Variants in MEGF6 observed in about 807,000 individuals in gnomAD.
MEGF6 encodes the protein multiple epidermal growth factor-like domains protein 6.
A neutral mutation model predicts 207.1 loss-of-function variants in MEGF6; 184 were observed. The ratio of observed to expected loss-of-function variants is 0.89; its 90% CI spans 0.79 to 1.00. The LOEUF (loss-of-function observed/expected upper bound fraction) is 1.00, where lower values mean the gene tolerates loss of function less well. Ranked by LOEUF, MEGF6 falls within the 50% of genes least tolerant of loss-of-function variation. MEGF6 has a pLI of 0.00. For missense variants in MEGF6, 2,282 were observed against 2,202.9 expected (o/e 1.04, Z -0.72); for synonymous variants, 1,038 against 910.0 (o/e 1.14, Z -2.53).
intron 4 of MEGF6, among the ~76,000 whole-genome samples, chr1:3,540,449 C>T (rs566484374): frequency 2.0e-4 from 31 of 152,356 alleles, no homozygotes; most frequent in African/African-American, 2.6e-4. Flanking sequence ...GCTTTGCAAC[C>T]GGAAGGCCCA....
intron 5 of MEGF6, among the ~76,000 whole-genome samples, chr1:3,515,779 G>A (rs1219743366): frequency 1.3e-5 from 2 of 152,180 alleles, no homozygotes; most frequent in Admixed American, 6.5e-5. Flanking sequence ...TGGATCCTCC[G>A]GCCCCGGCCT....
At chr1:3,598,979 C>T (rs1324438395) in intron 2 of MEGF6, among the ~76,000 whole-genome samples, 1 of 152,208 alleles carries the variant, frequency 6.6e-6, no homozygotes, top group Non-Finnish European at 1.5e-5. Context: ...ACCCGGGCGC[C>T]CTCTCAGCTG....
At chr1:3,557,742 G>C (rs1236618830) in intron 4 of MEGF6, among the ~76,000 whole-genome samples, 2 of 152,252 alleles carry the variant, frequency 1.3e-5, no homozygotes, top group African/African-American at 4.8e-5. Flanking sequence ...GCAGCAGGGG[G>C]AGTTCAGGGG....
Position 3,490,386 on chromosome 1 carries a change from C to T in MEGF6, c.*142G>A. On this transcript the variant is annotated 3_prime_UTR_variant, in exon 37 of 37. Transcript: ENST00000356575. The stretch of plus-strand genomic sequence containing the variant: ...CCTCCAAGAGCGACAGGTTGCTGGG[C>T]TGTCCACAGCCCTCCACGGCCCTCA... The T allele has an allele frequency of 1.1e-6, 1 of 896,122 alleles. No individual in the cohort carries two copies. Among genetic ancestry groups the T allele is most frequent in the Non-Finnish European group, 1.7e-6 (1 of 588,732 alleles). 55.5% of individuals were successfully genotyped at this position (896,122 alleles called of 1,614,324 possible).
At chr1:3,510,978 A>C in intron 9 of MEGF6, 76 bp from the exon 10 acceptor site, 2 of 1,535,130 alleles carry the variant, frequency 1.3e-6, no homozygotes, top group Non-Finnish European at 1.8e-6. Context: ...ACACAACTGC[A>C]TACGACCACA....
At chr1:3,527,641 GGAGGGACA>G (rs1642011463) in intron 4 of MEGF6, among the ~76,000 whole-genome samples, 1 of 152,354 alleles carries the variant, frequency 6.6e-6, no homozygotes, top group African/African-American at 2.4e-5. Context: ...CAAAGAAGCT[GGAGGGACA>G]GAGGGACCTG....
chr1:3,544,020 C>T (rs545501708), intron 4 of MEGF6, among the ~76,000 whole-genome samples: 10 of 152,310 alleles, frequency 6.6e-5, no homozygotes, highest in South Asian at 2.1e-4. Flanking sequence ...CACCCGGAGC[C>T]GCTCTATCGC....
At chr1:3,538,934 C>A (rs1001824797) in intron 4 of MEGF6, among the ~76,000 whole-genome samples, 8 of 152,288 alleles carry the variant, frequency 5.3e-5, no homozygotes, top group African/African-American at 1.9e-4. Flanking sequence ...GCGGAGAATG[C>A]AGACAGGCAA....
At chr1:3,498,961 G>A in intron 24 of MEGF6, 135 bp from the exon 25 acceptor site, 2 of 1,415,904 alleles carry the variant, frequency 1.4e-6, no homozygotes, top group South Asian at 1.4e-5. Flanking sequence ...TGACCTGCCA[G>A]CCCAGCCTCA....
At chr1:3,524,359 G>T in intron 4 of MEGF6, 113 bp from the exon 5 acceptor site, 1 of 1,399,390 alleles carries the variant, frequency 7.1e-7, no homozygotes, top group Non-Finnish European at 9.8e-7. Flanking sequence ...TGCCTCGAGG[G>T]CACCACCCAT....
chr1:3,621,179 G>C, the MEGF6 span, among the ~76,000 whole-genome samples: 10 of 152,328 alleles, frequency 6.6e-5, no homozygotes, highest in African/African-American at 2.2e-4. Flanking sequence ...TGGAGGAGTA[G>C]AGTCTTCTCT....
intron 3 of MEGF6, among the ~76,000 whole-genome samples, chr1:3,585,459 G>A (rs1401441932): frequency 6.7e-6 from 1 of 149,812 alleles, no homozygotes; most frequent in Non-Finnish European, 1.5e-5. Context: ...CTGTGTGTGG[G>A]TGTGAGTGAC....
chr1:3,579,778 C>G (rs1643746673), intron 4 of MEGF6, 47 bp downstream of exon 4: 1 of 1,358,682 alleles, frequency 7.4e-7, no homozygotes, highest in Non-Finnish European at 9.7e-7. Flanking sequence ...CCCTTGCCCA[C>G]AGGCTGGCCA....
intron 4 of MEGF6, among the ~76,000 whole-genome samples, chr1:3,525,030 A>T (rs1387474112): frequency 6.6e-6 from 1 of 152,168 alleles, no homozygotes; most frequent in Non-Finnish European, 1.5e-5. Context: ...TGGCGACAGA[A>T]GAAACTTCTA....
intron 3 of MEGF6, among the ~76,000 whole-genome samples, chr1:3,583,921 T>G (rs112603076): frequency 1.0e-5 from 1 of 98,436 alleles, no homozygotes; most frequent in East Asian, 2.9e-4. Flanking sequence ...CACCAGACAA[T>G]GCACAGCCAC....
intron 11 of MEGF6, 28 bp downstream of exon 11, chr1:3,509,842 G>A (rs748455371): frequency 3.4e-5 from 52 of 1,529,484 alleles, no homozygotes; most frequent in African/African-American, 1.8e-4. Context: ...GGCAGAGGCC[G>A]GTGCTCCGCG....
chr1:3,490,461 T>C lies in MEGF6; in HGVS notation c.*67A>G. 1.3e-6 allele frequency: 2 copies of C among 1,558,968 alleles called. No homozygotes were observed. The highest frequency in any genetic ancestry group is 1.8e-6 in the Non-Finnish European group (2 of 1,136,124). On this transcript the variant is annotated 3_prime_UTR_variant, in exon 37 of 37. Coordinates refer to ENST00000356575, the MANE Select transcript of MEGF6 (RefSeq NM_001409.4). ...TGGGCCCGTGAAGTGTCCTTCTCAG[T>C]GGTCACCAAAGGCCAGGGTCCCCTC...
At chr1:3,520,737 G>A (rs894242844) in intron 5 of MEGF6, among the ~76,000 whole-genome samples, 16 of 152,190 alleles carry the variant, frequency 1.1e-4, no homozygotes, top group Non-Finnish European at 1.3e-4. Flanking sequence ...TTTTGAGAGG[G>A]GAACCCTTTT....
At chr1:3,605,373 TCA>T (rs754515506) in intron 1 of MEGF6, among the ~76,000 whole-genome samples, 4 of 147,052 alleles carry the variant, frequency 2.7e-5, no homozygotes, top group Admixed American at 1.4e-4. Context: ...ACACACTCAA[TCA>T]CACTCACTAC....
Sources: gnomAD v4.1 joint callset for allele counts (sites outside exome capture counted in the v4.1 genomes callset) on GRCh38, gnomAD v4.1.1 for gene constraint, MANE v1.5 for transcripts, NCBI Gene and HGNC (gene_info 2026-07-23, HGNC 2026-07-21) for gene names.